Variants in RAP1GDS1 observed in about 807,000 individuals in gnomAD.
The protein encoded by RAP1GDS1 is Rap1 GTPase-GDP dissociation stimulator 1, also known as RAP1, GTP-GDP dissociation stimulator 1.
Under a neutral mutation model 71.1 loss-of-function variants are expected in RAP1GDS1, and 35 were observed. That is an observed-to-expected ratio of 0.49 (90% CI 0.38 to 0.65). RAP1GDS1 has a LOEUF of 0.65. Ranked by LOEUF, RAP1GDS1 falls within the 30% of genes least tolerant of loss-of-function variation. The pLI is 0.00. For missense variants in RAP1GDS1, 663 were observed against 706.1 expected, an observed-to-expected ratio of 0.94 and a Z score of 0.69; for synonymous variants, 229 against 243.1, an observed-to-expected ratio of 0.94 and a Z score of 0.54.
At chr4:98,434,951 C>A (rs1157409536) in intron 13 of RAP1GDS1, among the ~76,000 whole-genome samples, 1 of 152,096 alleles carries the variant, frequency 6.6e-6, no homozygotes, top group Non-Finnish European at 1.5e-5. Flanking sequence ...GGGCAGAATT[C>A]ATCACGAGAA....
chr4:98,288,648 A>G (rs1023102274), intron 1 of RAP1GDS1, among the ~76,000 whole-genome samples: 1 of 152,150 alleles, frequency 6.6e-6, no homozygotes, highest in Non-Finnish European at 1.5e-5. Flanking sequence ...CGTCCCACCA[A>G]CAGTGTAAAA....
intron 7 of RAP1GDS1, among the ~76,000 whole-genome samples, chr4:98,411,049 G>C (rs557895571): frequency 1.3e-5 from 2 of 152,152 alleles, no homozygotes; most frequent in African/African-American, 4.8e-5. Context: ...CTGCATTTGT[G>C]GTTTTCTTTC....
intron 14 of RAP1GDS1, among the ~76,000 whole-genome samples, chr4:98,440,486 A>G (rs1307173807): frequency 6.6e-6 from 1 of 152,212 alleles, no homozygotes. Context: ...CACATGGATT[A>G]TCATTTCTCA....
At position 98,421,976 on chromosome 4, in the gene RAP1GDS1, T is replaced by C. The variant is rs376308273; in HGVS notation, c.1440+582T>C. ...ACTTTGGGAGACTGAGGTGGGCAGATCATGAGGTCAGGAGATCAAGACCAT... is the reference window on the plus strand; with the variant it reads ...ACTTTGGGAGACTGAGGTGGGCAGACCATGAGGTCAGGAGATCAAGACCAT... On this transcript the variant is annotated intron_variant, in intron 12 of 14. Coordinates refer to ENST00000408927, the MANE Select transcript of RAP1GDS1 (RefSeq NM_001100427.2). Among the ~76,000 whole-genome samples, 38 of 152,006 alleles carry C rather than the reference T, an allele frequency of 2.5e-4. No individual in the cohort carries two copies. In the East Asian group the frequency reaches 5.3e-3, roughly 21 times the overall value.
At chr4:98,394,322 G>A (rs956350732) in intron 6 of RAP1GDS1, among the ~76,000 whole-genome samples, 2 of 152,138 alleles carry the variant, frequency 1.3e-5, no homozygotes, top group African/African-American at 2.4e-5. Flanking sequence ...CTTCTCAAAT[G>A]AGAGTCAAGG....
intron 3 of RAP1GDS1, among the ~76,000 whole-genome samples, chr4:98,349,045 G>A (rs1483017977): frequency 6.6e-6 from 1 of 152,110 alleles, no homozygotes; most frequent in Admixed American, 6.5e-5. Context: ...CCTTGCCCAT[G>A]CCTATGTCCT....
At chr4:98,308,515 T>C (rs977208777) in intron 2 of RAP1GDS1, among the ~76,000 whole-genome samples, 2 of 149,956 alleles carry the variant, frequency 1.3e-5, no homozygotes, top group African/African-American at 2.4e-5. Context: ...AACAAAAAGA[T>C]TTTAAACCAC....
chr4:98,441,866 CTT>C lies in RAP1GDS1; in HGVS notation c.1697-120_1697-119del. 3 of 1,113,354 alleles carry C rather than the reference CTT, an allele frequency of 2.7e-6. No individual in the cohort carries two copies. In the East Asian group the frequency reaches 8.2e-5, roughly 30 times the overall value. 69.0% of individuals were successfully genotyped at this position (1,113,354 alleles called of 1,614,324 possible). On this transcript the variant is annotated intron_variant, in intron 14 of 14. Coordinates refer to ENST00000408927, the MANE Select transcript of RAP1GDS1 (RefSeq NM_001100427.2). The stretch of plus-strand genomic sequence containing the variant: ...AGACATTGCTAGGCTACTGCTATGT[CTT>C]TTTCCAGAATTGTTTCTAGTTTTAT...
chr4:98,271,021 CTG>C (rs1723380732), intron 1 of RAP1GDS1, among the ~76,000 whole-genome samples: 1 of 151,850 alleles, frequency 6.6e-6, no homozygotes, highest in Non-Finnish European at 1.5e-5. Flanking sequence ...TGTTAATTGA[CTG>C]TTTATGTTAT....
At chr4:98,294,440 G>A (rs1727424684) in intron 2 of RAP1GDS1, among the ~76,000 whole-genome samples, 2 of 151,878 alleles carry the variant, frequency 1.3e-5, no homozygotes, top group African/African-American at 4.8e-5. Flanking sequence ...ACATTTTAGA[G>A]CTAGCTTTTA....
intron 1 of RAP1GDS1, among the ~76,000 whole-genome samples, chr4:98,266,111 A>G (rs932236325): frequency 6.6e-6 from 1 of 152,132 alleles, no homozygotes; most frequent in Admixed American, 6.5e-5. Context: ...ATGTATTTTA[A>G]TTTACAAATT....
Position 98,379,158 on chromosome 4 carries a change from A to G in RAP1GDS1, c.503A>G (p.Glu168Gly), listed in dbSNP as rs1741607957. 6.3e-7 allele frequency: 1 copy of G among 1,586,740 alleles called. No homozygotes were observed. Among genetic ancestry groups the G allele is most frequent in the African/African-American group, 1.4e-5 (1 of 73,274 alleles). ...GGCATGCTGATGAACTATAGCAATG[A>G]GAATGGTAAACAAAACTGAAAACTT... is the stretch of plus-strand genomic sequence containing the variant. ...FCGMLMNYSN[E>G]NDSLQAQLIN... Residue 168 changes from glutamate (E) to glycine (G), a missense_variant, in exon 5 of 15, where the codon GAG becomes GGG. Transcript: ENST00000408927.
At position 98,367,084 on chromosome 4, in the gene RAP1GDS1, G is replaced by A. The variant is rs181174174; in HGVS notation, c.362-11933G>A. On this transcript the variant is annotated intron_variant, in intron 4 of 14. Coordinates refer to ENST00000408927, the MANE Select transcript of RAP1GDS1 (RefSeq NM_001100427.2). ...AGCCCCTCCCATCACAGGCCTGGAGGCCTAGGAAGAAAAGATGGTTTTGTG... is the reference window on the plus strand; with the variant it reads ...AGCCCCTCCCATCACAGGCCTGGAGACCTAGGAAGAAAAGATGGTTTTGTG... Among the ~76,000 whole-genome samples, 172 of 152,270 alleles carry A rather than the reference G, an allele frequency of 1.1e-3. 1 individual carries two copies. In the South Asian group the frequency reaches 0.017, roughly 15 times the overall value.
Position 98,421,322 on chromosome 4 carries a change from C to T in RAP1GDS1, c.1368C>T (p.Ala456=). ...LVERLVEWCE[A]KDHAGVMGES... The stretch of plus-strand genomic sequence containing the variant: ...AGCGTTTGGTGGAATGGTGTGAAGC[C>T]AAAGATCATGCTGGTGTGATGGGGG... Residue 456 remains alanine (A), a synonymous_variant, in exon 12 of 15, where the codon GCC becomes GCT. Coordinates refer to ENST00000408927, the MANE Select transcript of RAP1GDS1 (RefSeq NM_001100427.2). 1 of 1,611,760 alleles carries T rather than the reference C, an allele frequency of 6.2e-7. No individual in the cohort carries two copies. Among genetic ancestry groups the T allele is most frequent in the East Asian group, 2.2e-5 (1 of 44,802 alleles).
intron 4 of RAP1GDS1, among the ~76,000 whole-genome samples, chr4:98,356,693 A>G (rs1738021200): frequency 6.6e-6 from 1 of 152,088 alleles, no homozygotes; most frequent in Non-Finnish European, 1.5e-5. Context: ...TATAACTGGT[A>G]CTATTATTGG....
At position 98,320,213 on chromosome 4, in the gene RAP1GDS1, G is replaced by A. The variant is rs553610996; in HGVS notation, c.113-22926G>A. ...TTTGGGGGAGTCAAAAGATATTTGCGGGTTTTCGACTTACTTTATTTATTC... is the reference window on the plus strand; with the variant it reads ...TTTGGGGGAGTCAAAAGATATTTGCAGGTTTTCGACTTACTTTATTTATTC... On this transcript the variant is annotated intron_variant, in intron 2 of 14. Transcript: ENST00000408927. 5.3e-5 allele frequency among the ~76,000 whole-genome samples: 8 copies of A among 152,184 alleles called. No individual in the cohort carries two copies. In the East Asian group the frequency reaches 5.8e-4, roughly 11 times the overall value.
At chr4:98,263,227 C>T (rs1379582639) in intron 1 of RAP1GDS1, among the ~76,000 whole-genome samples, 2 of 151,922 alleles carry the variant, frequency 1.3e-5, no homozygotes, top group Non-Finnish European at 2.9e-5. Flanking sequence ...GTCCAATAAC[C>T]CTATCTGATA....
At chr4:98,422,655 C>T (rs1299092883) in intron 12 of RAP1GDS1, among the ~76,000 whole-genome samples, 1 of 152,196 alleles carries the variant, frequency 6.6e-6, no homozygotes, top group Non-Finnish European at 1.5e-5. Flanking sequence ...GAAGAAGATG[C>T]CAAGAGAAAA....
Position 98,426,928 on chromosome 4 carries a change from A to G in RAP1GDS1, c.1440+5534A>G, listed in dbSNP as rs142617316. Among the ~76,000 whole-genome samples, 365 of 152,240 alleles carry G rather than the reference A, an allele frequency of 2.4e-3. 1 individual carries two copies. Among genetic ancestry groups the G allele is most frequent in the Non-Finnish European group, 4.5e-3 (309 of 67,974 alleles). ...AAGGACATAACAAAAAAAGAAAACT[A>G]CAGACCAAAATCCCTGATGAACATA... is the stretch of plus-strand genomic sequence containing the variant. On this transcript the variant is annotated intron_variant, in intron 12 of 14. Coordinates refer to ENST00000408927, the MANE Select transcript of RAP1GDS1 (RefSeq NM_001100427.2).
Sources: allele counts gnomAD v4.1 joint callset (sites outside exome capture counted in the v4.1 genomes callset), GRCh38; gene constraint gnomAD v4.1.1; transcripts MANE v1.5; gene names NCBI Gene and HGNC (gene_info 2026-07-23, HGNC 2026-07-21).